The following CA7 variants were observed in gnomAD, a reference collection of about 807,000 sequenced individuals.
The protein encoded by CA7 is carbonic anhydrase 7, also known as carbonate dehydratase VII.
Under a neutral mutation model 31.4 loss-of-function variants are expected in CA7, and 13 were observed. That is an observed-to-expected ratio of 0.41 (90% confidence interval 0.27 to 0.66). CA7 has a LOEUF of 0.66. Ranked by LOEUF, CA7 falls within the 30% of genes least tolerant of loss-of-function variation. The probability of loss-of-function intolerance (pLI) is 0.28; values close to 1 mark genes in which losing one functional copy is unlikely to be tolerated. For missense variants in CA7, 215 were observed against 351.0 expected (o/e 0.61, Z 3.10); for synonymous variants, 128 against 133.2 (o/e 0.96, Z 0.27).
rs1961100726 is a variant in CA7, at chr16:66,853,089, C to T, written c.672+222C>T. Among the ~76,000 whole-genome samples, 1 of 152,156 alleles carries T rather than the reference C, an allele frequency of 6.6e-6. No individual in the cohort carries two copies. Among genetic ancestry groups the T allele is most frequent in the African/African-American group, 2.4e-5 (1 of 41,424 alleles). On this transcript the variant is annotated intron_variant, in intron 6 of 6. Coordinates refer to ENST00000338437, the MANE Select transcript of CA7 (RefSeq NM_005182.3). The surrounding 1 kb of genome is among the most constrained non-coding windows in gnomAD (Gnocchi z 4.5). ...AGCGGGGATACCTGGATCCTGGGAC[C>T]CCCACCCCCGCTACTGTGTTGGAAT...
chr16:66,848,377 G>C (rs192793581), intron 2 of CA7, among the ~76,000 whole-genome samples: 2 of 152,194 alleles, frequency 1.3e-5, no homozygotes, highest in African/African-American at 4.8e-5. Context: ...AGTTTGGCAA[G>C]GAACAGTTTT....
Position 66,853,712 on chromosome 16 carries a change from G to A in CA7, c.*214G>A. The A allele has an allele frequency of 3.3e-6, 2 of 606,442 alleles. No homozygotes were observed. The highest frequency in any genetic ancestry group is 5.7e-5 in the East Asian group (2 of 35,040). The allele number at this position is 606,442 out of a possible 1,614,324, so 37.6% of individuals were successfully genotyped here. ...TGGGGACAGGAAGGACAGGAGCTAA[G>A]CAGGGTCCAAGCCTGGGGCTGCCTC... On this transcript the variant is annotated 3_prime_UTR_variant, in exon 7 of 7. Transcript: ENST00000338437. This position sits in a 1 kb window ranked among gnomAD's most constrained non-coding sequence, Gnocchi z 4.5.
chr16:66,848,587 A>T (rs1960975219), intron 2 of CA7, among the ~76,000 whole-genome samples: 1 of 151,850 alleles, frequency 6.6e-6, no homozygotes, highest in Non-Finnish European at 1.5e-5. Flanking sequence ...GCAGGAAGCC[A>T]GTGAAAAGAG....
Position 66,851,503 on chromosome 16 carries a change from T to C in CA7, c.398T>C (p.Phe133Ser), listed in dbSNP as rs1961049679. ...TGGAATGCCAAGAAGTACAGCACTTTTGGGGAGGCGGCCTCAGCACCTGAT... is the reference window on the plus strand; with the variant it reads ...TGGAATGCCAAGAAGTACAGCACTTCTGGGGAGGCGGCCTCAGCACCTGAT... ...VHWNAKKYST[F>S]GEAASAPDGL... is the part of the protein sequence containing the mutation. The change falls in exon 4 of 7, where the codon TTT becomes TCT. Residue 133 changes from phenylalanine to serine, a missense_variant. By Grantham distance (155) the Phe-to-Ser change is radical (BLOSUM62 -2). Coordinates refer to ENST00000338437, the MANE Select transcript of CA7 (RefSeq NM_005182.3). 1 of 1,613,974 alleles carries C rather than the reference T, an allele frequency of 6.2e-7. No individual in the cohort carries two copies. Among genetic ancestry groups the C allele is most frequent in the Non-Finnish European group, 8.5e-7 (1 of 1,180,014 alleles).
chr16:66,847,676 T>C (rs1311714641), intron 2 of CA7, among the ~76,000 whole-genome samples: 1 of 152,126 alleles, frequency 6.6e-6, no homozygotes, highest in African/African-American at 2.4e-5. Flanking sequence ...AAGCCGCTCA[T>C]TTATTCTTCT....
chr16:66,850,502 T>A, intron 2 of CA7, 39 bp from the exon 3 acceptor site: 1 of 1,175,242 alleles, frequency 8.5e-7, no homozygotes, highest in East Asian at 2.3e-5. Flanking sequence ...CTGTCGGTCC[T>A]CTCCTACTCA....
chr16:66,845,685 C>T (rs1960915816), intron 1 of CA7, among the ~76,000 whole-genome samples: 1 of 152,158 alleles, frequency 6.6e-6, no homozygotes, highest in Non-Finnish European at 1.5e-5. Context: ...TAGGGATCAT[C>T]TTCTCCCAGC....
At chr16:66,849,486 G>C (rs758123393) in intron 2 of CA7, among the ~76,000 whole-genome samples, 3 of 152,200 alleles carry the variant, frequency 2.0e-5, no homozygotes, top group Non-Finnish European at 2.9e-5. Flanking sequence ...TTGAGCAAAT[G>C]CCTCGTCATC....
In CA7 at chr16:66,844,463, G is replaced by A; in HGVS notation, c.-25G>A. ...AGCGGACCGAGCCGACCGGGCAGGT[G>A]CACGGCTGCGGGGACGGCAGCGGCA... On this transcript the variant is annotated 5_prime_UTR_variant, in exon 1 of 7. Coordinates refer to ENST00000338437, the MANE Select transcript of CA7 (RefSeq NM_005182.3). 1 of 1,537,432 alleles carries A rather than the reference G, an allele frequency of 6.5e-7. No homozygotes were observed. Among genetic ancestry groups the A allele is most frequent in the Non-Finnish European group, 8.8e-7 (1 of 1,141,436 alleles).
chr16:66,851,282 T>C (rs556882635), intron 3 of CA7, among the ~76,000 whole-genome samples, 181 bp from the exon 4 acceptor site: 1 of 152,246 alleles, frequency 6.6e-6, no homozygotes, highest in East Asian at 1.9e-4. Flanking sequence ...CAGAGTTGGG[T>C]GGATGCTACC....
rs746250502 is a variant in CA7 at position 66,847,049 on chromosome 16, G to C, written c.60G>C (p.Lys20Asn). 1.2e-5 allele frequency: 19 copies of C among 1,614,012 alleles called. No homozygotes were observed. Among genetic ancestry groups the C allele is most frequent in the Admixed American group, 1.7e-5 (1 of 60,002 alleles). The change falls in exon 2 of 7, where the codon AAG (lysine) becomes AAC (asparagine). Residue 20 changes from lysine (K) to asparagine (N), a missense_variant. Physicochemically the swap from Lys to Asn is moderately conservative, Grantham distance 94 (BLOSUM62 0). Coordinates refer to ENST00000338437, the MANE Select transcript of CA7 (RefSeq NM_005182.3). ...CTGCAGGCCCCTCGCATTGGCACAA[G>C]CTGTATCCCATTGCCCAGGGAGATC... ...GQDDGPSHWH[K>N]LYPIAQGDRQ...
At chr16:66,851,171 C>T (rs148584465) in intron 3 of CA7, among the ~76,000 whole-genome samples, 215 of 152,344 alleles carry the variant, frequency 1.4e-3, no homozygotes, top group African/African-American at 4.7e-3. Flanking sequence ...GGAGGTGTCA[C>T]GCTGGATGTT....
intron 2 of CA7, among the ~76,000 whole-genome samples, chr16:66,848,665 C>T (rs915469315): frequency 2.6e-5 from 4 of 152,230 alleles, no homozygotes; most frequent in Non-Finnish European, 5.9e-5. Flanking sequence ...GGGTTGATGC[C>T]AGCAGAGTGC....
chr16:66,852,908 C>T, intron 6 of CA7, 41 bp downstream of exon 6: 1 of 1,587,260 alleles, frequency 6.3e-7, no homozygotes, highest in Non-Finnish European at 8.6e-7. Flanking sequence ...ACATGGCACT[C>T]AGGGCTCACC....
chr16:66,852,017 G>A (rs770831338), intron 5 of CA7, among the ~76,000 whole-genome samples: 54 of 152,146 alleles, frequency 3.5e-4, no homozygotes, highest in Non-Finnish European at 6.5e-4. Context: ...AGGGAAGATC[G>A]TGGCCAAATA....
chr16:66,852,844 C>T lies in CA7; in HGVS notation c.649C>T (p.Pro217Ser), dbSNP rs1444238150. ...ESVTWIVLRE[P>S]ICISERQMGK... is the part of the protein sequence containing the mutation. ...TGTCACCTGGATTGTGCTCCGGGAG[C>T]CCATCTGCATCTCTGAAAGGCAGGT... Residue 217 changes from proline to serine, a missense_variant, in exon 6 of 7, where the codon CCC (proline) becomes TCC (serine). Coordinates refer to ENST00000338437, the MANE Select transcript of CA7 (RefSeq NM_005182.3). 6.2e-7 allele frequency: 1 copy of T among 1,613,544 alleles called. No individual in the cohort carries two copies. Among genetic ancestry groups the T allele is most frequent in the Non-Finnish European group, 8.5e-7 (1 of 1,179,644 alleles).
intron 3 of CA7, among the ~76,000 whole-genome samples, chr16:66,851,254 C>T (rs1183952523): frequency 6.6e-6 from 1 of 152,184 alleles, no homozygotes; most frequent in African/African-American, 2.4e-5. Context: ...CCCCCGGAGC[C>T]CAGAAAAGAA....
At chr16:66,851,749 A>G (rs151460) in intron 5 of CA7, 23 bp downstream of exon 5, 809,240 of 1,603,476 alleles carry the variant, frequency 0.5, 208,890 homozygotes, top group African/African-American at 0.79. Context: ...CCCCTGACCC[A>G]AGCAGCCCGA....
At chr16:66,844,955 G>C in intron 1 of CA7, 1 of 1,002,604 alleles carries the variant, frequency 1.0e-6, no homozygotes. Context: ...GGGACCTCGG[G>C]GGAGCGGGGC....
Sources: allele counts gnomAD v4.1 joint callset (sites outside exome capture counted in the v4.1 genomes callset), GRCh38; gene constraint gnomAD v4.1.1; non-coding constraint Gnocchi (gnomAD v3.1); transcripts MANE v1.5; gene names NCBI Gene and HGNC (gene_info 2026-07-23, HGNC 2026-07-21).